CHLSN: variants seen among roughly 807,000 people sequenced by gnomAD.
CHLSN encodes the protein protein cholesin.
the CHLSN span, among the ~76,000 whole-genome samples, chr7:1,101,351 C>T: frequency 6.6e-6 from 1 of 151,316 alleles, no homozygotes; most frequent in Non-Finnish European, 1.5e-5. Flanking sequence ...CCACCTGAAA[C>T]CTACTGCCAG....
chr7:1,135,868 TA>T, the CHLSN span, among the ~76,000 whole-genome samples: 467 of 127,116 alleles, frequency 3.7e-3, 5 homozygotes, highest in African/African-American at 0.015. Flanking sequence ...TATAAATATA[TA>T]AAAATATATA....
At chr7:1,098,892 C>G in the CHLSN span, among the ~76,000 whole-genome samples, 1 of 152,226 alleles carries the variant, frequency 6.6e-6, no homozygotes, top group Admixed American at 6.5e-5. Flanking sequence ...AGAAAACGTT[C>G]TAAAATTAGA....
the CHLSN span, chr7:997,631 G>A: frequency 1.9e-6 from 3 of 1,604,506 alleles, no homozygotes; most frequent in Admixed American, 3.4e-5. Flanking sequence ...CCCACTAGGA[G>A]AGCAGCTGCA....
At chr7:1,008,774 A>T in the CHLSN span, among the ~76,000 whole-genome samples, 5 of 151,994 alleles carry the variant, frequency 3.3e-5, no homozygotes, top group Non-Finnish European at 5.9e-5. Context: ...ATAAACACAC[A>T]CGCACACACG....
chr7:1,134,098 C>G, the CHLSN span, among the ~76,000 whole-genome samples: 2 of 152,060 alleles, frequency 1.3e-5, no homozygotes, highest in Admixed American at 1.3e-4. Flanking sequence ...CACCTGGCCC[C>G]AAAATATATA....
the CHLSN span, among the ~76,000 whole-genome samples, chr7:979,794 C>T: frequency 1.4e-4 from 21 of 152,034 alleles, no homozygotes; most frequent in African/African-American, 5.1e-4. Context: ...CATGCCTGCT[C>T]AGTCTCTGGG....
At chr7:999,394 C>T in the CHLSN span, among the ~76,000 whole-genome samples, 3 of 149,242 alleles carry the variant, frequency 2.0e-5, no homozygotes, top group Admixed American at 6.6e-5. Flanking sequence ...GTGCCTGCCC[C>T]AGTGTCGCGA....
chr7:1,064,176 C>T, the CHLSN span, among the ~76,000 whole-genome samples: 1 of 152,108 alleles, frequency 6.6e-6, no homozygotes, highest in African/African-American at 2.4e-5. Context: ...GTCTCCTCCC[C>T]GGGAACACCG....
chr7:1,136,389 CATAT>C, the CHLSN span, among the ~76,000 whole-genome samples: 16,131 of 97,174 alleles, frequency 0.17, 2,266 homozygotes, highest in Middle Eastern at 0.28. Context: ...AATATATAAA[CATAT>C]ATATAAATAT....
chr7:1,060,457 G>T, the CHLSN span, among the ~76,000 whole-genome samples: 2 of 152,196 alleles, frequency 1.3e-5, no homozygotes, highest in Non-Finnish European at 2.9e-5. Context: ...GAACGCGCTG[G>T]AATTCTGAGT....
chr7:1,082,039 C>G, the CHLSN span: 2 of 152,326 alleles, frequency 1.3e-5, no homozygotes, highest in African/African-American at 2.4e-5. Context: ...CGCAGGAGCA[C>G]GCACTCCCAC....
chr7:985,234 C>A, the CHLSN span: 1 of 1,553,128 alleles, frequency 6.4e-7, no homozygotes, highest in South Asian at 1.2e-5. Context: ...CCTCTTCGGC[C>A]GCCGATTTGA....
At chr7:978,415 G>A in the CHLSN span, among the ~76,000 whole-genome samples, 2 of 152,168 alleles carry the variant, frequency 1.3e-5, no homozygotes, top group Non-Finnish European at 1.5e-5. Context: ...CTACCCCAGA[G>A]GCTGAGGTGG....
the CHLSN span, chr7:1,127,236 G>A: frequency 1.3e-6 from 2 of 1,584,116 alleles, no homozygotes; most frequent in Non-Finnish European, 1.7e-6. Context: ...GGCAGGGCCA[G>A]TGAAGCACAG....
At chr7:1,052,777 A>G in the CHLSN span, among the ~76,000 whole-genome samples, 2 of 151,966 alleles carry the variant, frequency 1.3e-5, no homozygotes, top group Non-Finnish European at 2.9e-5. The surrounding 1 kb of genome is among the most constrained non-coding windows in gnomAD (Gnocchi z 4.2). Context: ...GGCATGTGCC[A>G]GCTCTGTTCC....
At chr7:1,125,922 G>A in the CHLSN span, among the ~76,000 whole-genome samples, 423 of 152,242 alleles carry the variant, frequency 2.8e-3, 10 homozygotes, top group South Asian at 4.1e-3. Context: ...TGCTCCTAAT[G>A]GTAAACACAG....
chr7:1,054,707 C>T, the CHLSN span, among the ~76,000 whole-genome samples: 1 of 152,220 alleles, frequency 6.6e-6, no homozygotes, highest in African/African-American at 2.4e-5. Context: ...GCTGGCCCCA[C>T]GCGGTTCCAC....
chr7:994,560 C>T, the CHLSN span, among the ~76,000 whole-genome samples: 2 of 152,208 alleles, frequency 1.3e-5, no homozygotes, highest in East Asian at 3.8e-4. Context: ...CCTCCCACCT[C>T]AGCCTCCCGA....
the CHLSN span, among the ~76,000 whole-genome samples, chr7:1,072,629 C>T: frequency 6.6e-6 from 1 of 152,068 alleles, no homozygotes; most frequent in Non-Finnish European, 1.5e-5. Context: ...GGCCTGCAGC[C>T]CTCCTTGTAG....
Sources: gnomAD v4.1 joint callset for allele counts (sites outside exome capture counted in the v4.1 genomes callset) on GRCh38, gnomAD v4.1.1 for gene constraint, Gnocchi (gnomAD v3.1) non-coding constraint, MANE v1.5 for transcripts, NCBI Gene and HGNC (gene_info 2026-07-23, HGNC 2026-07-21) for gene names.